KCNIP1: variants seen among roughly 807,000 people sequenced by gnomAD.
KCNIP1 encodes the protein A-type potassium channel modulatory protein KCNIP1.
In KCNIP1, 18 loss-of-function variants were observed where a neutral mutation model predicts 33.0. That is an observed-to-expected ratio of 0.55 (90% CI 0.38 to 0.81). The LOEUF (loss-of-function observed/expected upper bound fraction) is 0.81. Ranked by LOEUF, KCNIP1 falls within the 30% of genes least tolerant of loss-of-function variation. KCNIP1 has a pLI of 0.00. For missense variants in KCNIP1, 238 were observed against 271.6 expected, an observed-to-expected ratio of 0.88 and a Z score of 0.87; for synonymous variants, 93 against 98.3, an observed-to-expected ratio of 0.95 and a Z score of 0.32.
intron 1 of KCNIP1, among the ~76,000 whole-genome samples, chr5:170,691,879 G>A (rs1241984751): frequency 6.6e-6 from 1 of 152,114 alleles, no homozygotes; most frequent in East Asian, 1.9e-4. Context: ...TCACTCTCAG[G>A]AATTCAATAT....
intron 1 of KCNIP1, chr5:170,385,616 G>T: frequency 1.3e-6 from 1 of 793,898 alleles, no homozygotes; most frequent in Non-Finnish European, 2.0e-6. Context: ...CAGAAGTCTT[G>T]CTTTTTGGAC....
intron 1 of KCNIP1, among the ~76,000 whole-genome samples, chr5:170,578,542 C>G (rs1230336269): frequency 1.3e-5 from 2 of 152,116 alleles, no homozygotes; most frequent in African/African-American, 4.8e-5. Context: ...GAGAGGGGAT[C>G]ATCAGGGATG....
chr5:170,432,078 G>A (rs56119612), intron 1 of KCNIP1, among the ~76,000 whole-genome samples: 2 of 151,116 alleles, frequency 1.3e-5, no homozygotes, highest in South Asian at 2.1e-4. Flanking sequence ...TACAGCTGAG[G>A]TTTTCATATA....
At chr5:170,675,362 G>A (rs1477699918) in intron 1 of KCNIP1, among the ~76,000 whole-genome samples, 2 of 152,072 alleles carry the variant, frequency 1.3e-5, no homozygotes, top group Non-Finnish European at 2.9e-5. Flanking sequence ...GTTCATGCCT[G>A]TAATCCTGGC....
At chr5:170,477,891 A>G (rs143149295) in intron 1 of KCNIP1, among the ~76,000 whole-genome samples, 194 of 152,358 alleles carry the variant, frequency 1.3e-3, no homozygotes, top group African/African-American at 4.6e-3. Flanking sequence ...CTCAGAGCCC[A>G]CATCTTCATA....
At chr5:170,577,290 G>A (rs1469142403) in intron 1 of KCNIP1, among the ~76,000 whole-genome samples, 1 of 152,180 alleles carries the variant, frequency 6.6e-6, no homozygotes, top group African/African-American at 2.4e-5. Flanking sequence ...GGGAACTGAA[G>A]AACAACATGG....
chr5:170,582,344 C>T (rs1757826365), intron 1 of KCNIP1, among the ~76,000 whole-genome samples: 1 of 152,208 alleles, frequency 6.6e-6, no homozygotes, highest in South Asian at 2.1e-4. Flanking sequence ...GATCCTTTGG[C>T]TGGTCTGTAA....
At chr5:170,701,127 T>C (rs1455964787) in intron 1 of KCNIP1, among the ~76,000 whole-genome samples, 1 of 152,204 alleles carries the variant, frequency 6.6e-6, no homozygotes, top group East Asian at 1.9e-4. Context: ...AAAGGAAAAG[T>C]GTGCCTCCTC....
intron 1 of KCNIP1, chr5:170,385,337 A>G: frequency 6.2e-7 from 1 of 1,614,150 alleles, no homozygotes; most frequent in Non-Finnish European, 8.5e-7. Flanking sequence ...GGGGCAGCAC[A>G]GTCGTGACCA....
chr5:170,714,910 G>A (rs745363148), intron 1 of KCNIP1, among the ~76,000 whole-genome samples: 2 of 151,952 alleles, frequency 1.3e-5, no homozygotes, highest in Non-Finnish European at 2.9e-5. Flanking sequence ...TATTAATTTA[G>A]TATAGCCCTA....
At chr5:170,721,391 G>C (rs1437387984) in intron 3 of KCNIP1, among the ~76,000 whole-genome samples, 1 of 152,144 alleles carries the variant, frequency 6.6e-6, no homozygotes, top group African/African-American at 2.4e-5. Flanking sequence ...TCCCATTGTA[G>C]AGAGGTAGGA....
At chr5:170,725,498 G>A (rs1488816017) in intron 5 of KCNIP1, among the ~76,000 whole-genome samples, 1 of 152,150 alleles carries the variant, frequency 6.6e-6, no homozygotes, top group East Asian at 1.9e-4. Flanking sequence ...AGGGCAGAAG[G>A]ACGGTTACCA....
chr5:170,400,184 T>A (rs911447376), intron 1 of KCNIP1, among the ~76,000 whole-genome samples: 2 of 152,148 alleles, frequency 1.3e-5, no homozygotes, highest in African/African-American at 4.8e-5. Flanking sequence ...TTCCTTGCAT[T>A]AGTCCGTTTT....
At chr5:170,570,465 G>A (rs1349597236) in intron 1 of KCNIP1, among the ~76,000 whole-genome samples, 1 of 151,616 alleles carries the variant, frequency 6.6e-6, no homozygotes, top group Admixed American at 6.6e-5. Context: ...TTTTTTGAGT[G>A]CCCCCAATAG....
At chr5:170,611,240 G>A (rs935776070) in intron 1 of KCNIP1, among the ~76,000 whole-genome samples, 1 of 152,236 alleles carries the variant, frequency 6.6e-6, no homozygotes, top group African/African-American at 2.4e-5. Flanking sequence ...TGCTTAGAAT[G>A]TATCTGGTTC....
At chr5:170,565,621 A>G (rs1757178203) in intron 1 of KCNIP1, among the ~76,000 whole-genome samples, 1 of 152,220 alleles carries the variant, frequency 6.6e-6, no homozygotes, top group Non-Finnish European at 1.5e-5. Context: ...CTTTATACAC[A>G]TTATCTCATT....
At chr5:170,563,571 CAA>C (rs1002230800) in intron 1 of KCNIP1, among the ~76,000 whole-genome samples, 1 of 152,126 alleles carries the variant, frequency 6.6e-6, no homozygotes, top group Non-Finnish European at 1.5e-5. Flanking sequence ...TGTAAGAATG[CAA>C]AGTCATAAGC....
At chr5:170,499,020 G>A (rs1313477065), upstream of KCNIP1, among the ~76,000 whole-genome samples, 8 of 152,102 alleles carry the variant, frequency 5.3e-5, no homozygotes, top group Non-Finnish European at 1.0e-4. Context: ...GGATGGGGGC[G>A]GTGGAGGTGG....
chr5:170,547,790 A>G (rs116631144), intron 1 of KCNIP1, among the ~76,000 whole-genome samples: 1,696 of 152,254 alleles, frequency 0.011, 24 homozygotes, highest in African/African-American at 0.037. Flanking sequence ...ATTTAGGTTG[A>G]TTCCATATCT....
Sources: allele counts gnomAD v4.1 joint callset (sites outside exome capture counted in the v4.1 genomes callset), GRCh38; gene constraint gnomAD v4.1.1; transcripts MANE v1.5; gene names NCBI Gene and HGNC (gene_info 2026-07-23, HGNC 2026-07-21).